Variants in CPLX2 observed in about 807,000 individuals in gnomAD.
CPLX2 encodes complexin 2.
A neutral mutation model predicts 16.3 loss-of-function variants in CPLX2; 5 were observed. The ratio of observed to expected loss-of-function variants is 0.31; its 90% confidence interval spans 0.16 to 0.64. The LOEUF (loss-of-function observed/expected upper bound fraction) is 0.64, where lower values mean the gene tolerates loss of function less well. Ranked by LOEUF, CPLX2 falls within the 30% of genes least tolerant of loss-of-function variation. The pLI, the probability that CPLX2 is intolerant of heterozygous loss-of-function variation, is 0.79. For synonymous variants in CPLX2, 89 were observed against 73.2 expected, an observed-to-expected ratio of 1.22 and a Z score of -1.10; for missense variants, 144 against 181.4, an observed-to-expected ratio of 0.79 and a Z score of 1.18.
intron 2 of CPLX2, among the ~76,000 whole-genome samples, chr5:175,821,985 A>G (rs1163537931): frequency 6.6e-6 from 1 of 152,096 alleles, no homozygotes; most frequent in Non-Finnish European, 1.5e-5. Context: ...GTTTTTAGTC[A>G]CCTTGAAATA....
intron 2 of CPLX2, among the ~76,000 whole-genome samples, chr5:175,822,468 T>A (rs1021188034): frequency 1.3e-5 from 2 of 152,172 alleles, no homozygotes; most frequent in African/African-American, 4.8e-5. Flanking sequence ...TGGAAACGCT[T>A]CCTACTGTAA....
chr5:175,822,138 T>C (rs1475444482), intron 2 of CPLX2, among the ~76,000 whole-genome samples: 2 of 152,208 alleles, frequency 1.3e-5, no homozygotes, highest in Non-Finnish European at 2.9e-5. Context: ...CTCACTTCCT[T>C]ACCGATCTCA....
At chr5:175,871,236 T>C, upstream of CPLX2, among the ~76,000 whole-genome samples, 1 of 150,324 alleles carries the variant, frequency 6.7e-6, no homozygotes, top group Non-Finnish European at 1.5e-5. Context: ...GATGTCTGGT[T>C]GCAGGGAGGC....
intron 2 of CPLX2, among the ~76,000 whole-genome samples, chr5:175,862,183 G>A (rs1313331941): frequency 6.6e-6 from 1 of 152,224 alleles, no homozygotes; most frequent in Non-Finnish European, 1.5e-5. Flanking sequence ...CTGGCATACA[G>A]TAGATGCTCA....
chr5:175,797,575 C>T (rs1417949101), intron 1 of CPLX2, among the ~76,000 whole-genome samples: 1 of 152,184 alleles, frequency 6.6e-6, no homozygotes, highest in African/African-American at 2.4e-5. Context: ...CTGGCAGCTG[C>T]AATCACTGAC....
upstream of CPLX2, among the ~76,000 whole-genome samples, chr5:175,868,840 A>T (rs1759526549): frequency 6.6e-6 from 1 of 152,272 alleles, no homozygotes; most frequent in South Asian, 2.1e-4. Flanking sequence ...TGCTGGAAGG[A>T]CCACAGAACT....
chr5:175,865,077 C>T (rs1759447403), intron 2 of CPLX2, among the ~76,000 whole-genome samples: 1 of 83,820 alleles, frequency 1.2e-5, no homozygotes, highest in African/African-American at 4.8e-5. Context: ...CACATGCACG[C>T]ATGTGCGCGC....
chr5:175,825,832 A>G (rs1282095492), intron 2 of CPLX2, among the ~76,000 whole-genome samples: 2 of 146,740 alleles, frequency 1.4e-5, no homozygotes, highest in Non-Finnish European at 3.0e-5. Flanking sequence ...GCAGCTAGAG[A>G]GGGTGACCCT....
intron 1 of CPLX2, chr5:175,873,130 C>T (rs867434632): frequency 6.8e-6 from 1 of 146,988 alleles, no homozygotes; most frequent in Non-Finnish European, 1.5e-5. Flanking sequence ...CCCTCACCCC[C>T]CTTCCCGCGC....
chr5:175,860,478 G>GA (rs1759342582), intron 2 of CPLX2, among the ~76,000 whole-genome samples: 1 of 136,308 alleles, frequency 7.3e-6, no homozygotes, highest in African/African-American at 2.9e-5. Flanking sequence ...GAGAGAGAAA[G>GA]AAGAAAGAAA....
chr5:175,869,142 G>C (rs189926062), upstream of CPLX2, among the ~76,000 whole-genome samples: 9 of 152,248 alleles, frequency 5.9e-5, no homozygotes, highest in Admixed American at 5.9e-4. Context: ...TAGGGAGCAG[G>C]TACTCATCTC....
chr5:175,875,929 T>C (rs1759746295), intron 1 of CPLX2, among the ~76,000 whole-genome samples: 1 of 151,818 alleles, frequency 6.6e-6, no homozygotes, highest in South Asian at 2.1e-4. Context: ...CTTTGCAAAC[T>C]GGTGGAGGGG....
Position 175,879,040 on chromosome 5 carries a change from T to A in CPLX2, c.164T>A (p.Met55Lys). Reference protein sequence around the residue: ...EEERKAKHARMEAEREKVRQQ... With the variant: ...EEERKAKHARKEAEREKVRQQ... ...GAGCGTAAGGCCAAGCACGCGCGCA[T>A]GGAGGCGGAGCGGGAGAAGGTCCGG... The change falls in exon 3 of 4, where the codon ATG (methionine) becomes AAG (lysine). Residue 55 changes from methionine (M) to lysine (K), a missense_variant. Coordinates refer to ENST00000393745, the MANE Select transcript of CPLX2 (RefSeq NM_001008220.2). 3 of 1,589,458 alleles carry A rather than the reference T, an allele frequency of 1.9e-6. No homozygotes were observed. The highest frequency in any genetic ancestry group is 2.6e-6 in the Non-Finnish European group (3 of 1,168,436).
At chr5:175,840,022 T>C (rs1372393059) in intron 2 of CPLX2, among the ~76,000 whole-genome samples, 2 of 152,346 alleles carry the variant, frequency 1.3e-5, no homozygotes, top group South Asian at 2.1e-4. Flanking sequence ...TGTAAACATA[T>C]AGTATATTAT....
chr5:175,853,780 T>A (rs1320557646), intron 2 of CPLX2, among the ~76,000 whole-genome samples: 1 of 152,118 alleles, frequency 6.6e-6, no homozygotes, highest in Non-Finnish European at 1.5e-5. Context: ...CTCAGGGGCC[T>A]CTGACGACTG....
At position 175,880,076 on chromosome 5, in the gene CPLX2, G is replaced by A. The variant is rs746829294; in HGVS notation, c.*31G>A. 3.8e-5 allele frequency: 60 copies of A among 1,591,070 alleles called. No homozygotes were observed. The highest frequency in any genetic ancestry group is 2.9e-5 in the Non-Finnish European group (34 of 1,167,126). On this transcript the variant is annotated 3_prime_UTR_variant, in exon 4 of 4. Coordinates refer to ENST00000393745, the MANE Select transcript of CPLX2 (RefSeq NM_001008220.2). Reference sequence around the variant, plus strand: ...CCTCCTGCCCCAGCCTACTCCACCTGTTACTACTTCTTTTTGGTTCTTTCT... The same window carrying A: ...CCTCCTGCCCCAGCCTACTCCACCTATTACTACTTCTTTTTGGTTCTTTCT...
At chr5:175,865,086 G>GCA (rs1491118664) in intron 2 of CPLX2, among the ~76,000 whole-genome samples, 2 of 71,074 alleles carry the variant, frequency 2.8e-5, no homozygotes, top group African/African-American at 9.0e-5. Context: ...GCATGTGCGC[G>GCA]CGCGCACACA....
intron 2 of CPLX2, among the ~76,000 whole-genome samples, chr5:175,810,207 T>A (rs1026851549): frequency 5.9e-5 from 9 of 152,198 alleles, no homozygotes; most frequent in African/African-American, 2.2e-4. Flanking sequence ...ATCCAGAGCC[T>A]TGCACCCTTA....
chr5:175,820,911 ACAGGCAGTCGGCCGCTCGGTCC>A (rs1456724711), intron 2 of CPLX2, among the ~76,000 whole-genome samples: 1 of 152,180 alleles, frequency 6.6e-6, no homozygotes. Flanking sequence ...ACAGAGAGGG[ACAGGCAGTCGGCCGCTCGGTCC>A]CAGAGCAGAG....
Sources: gnomAD v4.1 joint callset for allele counts (sites outside exome capture counted in the v4.1 genomes callset) on GRCh38, gnomAD v4.1.1 for gene constraint, MANE v1.5 for transcripts, NCBI Gene and HGNC (gene_info 2026-07-23, HGNC 2026-07-21) for gene names.